Variants in RPTOR observed in about 807,000 individuals in gnomAD.
RPTOR encodes the protein regulatory associated protein of MTOR complex 1, also known as regulatory-associated protein of mTOR.
A neutral mutation model predicts 169.9 loss-of-function variants in RPTOR; 21 were observed. The ratio of observed to expected loss-of-function variants is 0.12; its 90% confidence interval spans 0.09 to 0.18. The LOEUF is 0.18. Among genes scored for constraint, RPTOR ranks in the 10% least tolerant of loss-of-function variants. The pLI is 1.00. For missense variants in RPTOR, 1,133 were observed against 1,855.9 expected, an observed-to-expected ratio of 0.61 and a Z score of 7.16; for synonymous variants, 732 against 753.2, an observed-to-expected ratio of 0.97 and a Z score of 0.46.
chr17:80,778,897 T>C (rs1009546410), intron 6 of RPTOR, among the ~76,000 whole-genome samples: 10 of 152,222 alleles, frequency 6.6e-5, no homozygotes, highest in African/African-American at 2.4e-4. Context: ...GTGCGGTGTC[T>C]GGCCGCGGCG....
chr17:80,697,318 A>G (rs963103280), intron 3 of RPTOR, among the ~76,000 whole-genome samples: 3 of 152,274 alleles, frequency 2.0e-5, no homozygotes, highest in Non-Finnish European at 2.9e-5. Flanking sequence ...TTATTCAGAA[A>G]GAATCAATTG....
At chr17:80,906,848 C>A (rs1328100393) in intron 20 of RPTOR, among the ~76,000 whole-genome samples, 2 of 152,104 alleles carry the variant, frequency 1.3e-5, no homozygotes, top group African/African-American at 4.8e-5. Context: ...CACTGCAACA[C>A]GCATTCCTCA....
At chr17:80,751,904 T>C (rs887800848) in intron 5 of RPTOR, among the ~76,000 whole-genome samples, 16 of 152,190 alleles carry the variant, frequency 1.1e-4, no homozygotes, top group African/African-American at 3.6e-4. Flanking sequence ...CTGTACCTTG[T>C]TGTTCCACAT....
At chr17:80,837,881 C>T (rs372233848) in intron 9 of RPTOR, 41 bp from the exon 10 acceptor site, 43 of 1,576,386 alleles carry the variant, frequency 2.7e-5, no homozygotes, top group African/African-American at 4.0e-5. Flanking sequence ...TGTGGAAGCC[C>T]GTCCATAATG....
chr17:80,812,862 G>T (rs1294502333), intron 7 of RPTOR, among the ~76,000 whole-genome samples: 1 of 152,226 alleles, frequency 6.6e-6, no homozygotes, highest in Admixed American at 6.5e-5. Context: ...ATTTGTGCAC[G>T]TGATTTGGAA....
chr17:80,799,645 T>C lies in RPTOR; in HGVS notation c.890+8136T>C, dbSNP rs2067135975. Among the ~76,000 whole-genome samples, 5 of 152,192 alleles carry C rather than the reference T, an allele frequency of 3.3e-5. No individual in the cohort carries two copies. The South Asian group carries it at 1.0e-3, about 32-fold the overall frequency. On this transcript the variant is annotated intron_variant, in intron 7 of 33. Transcript: ENST00000306801. ...ATAACGGGCCTGTGTTCTCGGGCTT[T>C]TTGTTTCCGTCAAGCTTCATGACCT...
intron 13 of RPTOR, among the ~76,000 whole-genome samples, chr17:80,862,252 G>A (rs759845375): frequency 6.3e-4 from 96 of 152,248 alleles, no homozygotes; most frequent in African/African-American, 2.1e-3. Context: ...GCACCTGCAT[G>A]TTTAAAAGCA....
chr17:80,709,733 G>A (rs35918698), intron 4 of RPTOR, among the ~76,000 whole-genome samples: 26,641 of 151,934 alleles, frequency 0.18, 3,738 homozygotes, highest in African/African-American at 0.39. Context: ...GATAGACTGT[G>A]GTGTGCTCTG....
At chr17:80,929,642 G>A (rs911301133) in intron 24 of RPTOR, among the ~76,000 whole-genome samples, 3 of 152,182 alleles carry the variant, frequency 2.0e-5, no homozygotes, top group African/African-American at 7.2e-5. Flanking sequence ...TAGGGTGGAT[G>A]CGGAAGCTGC....
At position 80,545,245 on chromosome 17, in the gene RPTOR, G is replaced by T; in HGVS notation, c.-385G>T. On this transcript the variant is annotated 5_prime_UTR_variant, in exon 1 of 34. Coordinates refer to ENST00000306801, the MANE Select transcript of RPTOR (RefSeq NM_020761.3). ...ACCAAGAGCGGCCTGCCTGTCTTCG[G>T]AACTGCTGAGGCGGTGGAGGCCGAG... 1 of 238,902 alleles carries T rather than the reference G, an allele frequency of 4.2e-6. No individual in the cohort carries two copies. The highest frequency in any genetic ancestry group is 8.2e-6 in the Non-Finnish European group (1 of 121,722). 14.8% of individuals were successfully genotyped at this position (238,902 alleles called of 1,614,324 possible).
chr17:80,950,286 C>T lies in RPTOR; in HGVS notation c.3370+739C>T, dbSNP rs1272689911. On this transcript the variant is annotated intron_variant, in intron 28 of 33. Coordinates refer to ENST00000306801, the MANE Select transcript of RPTOR (RefSeq NM_020761.3). ...CCAGCCCCCCTCTGCCGGCTCCTGC[C>T]GGTTTGTGATTTCTGTGTCTTCGTC... Among the ~76,000 whole-genome samples, 3 of 152,188 alleles carry T rather than the reference C, an allele frequency of 2.0e-5. No individual in the cohort carries two copies. In the East Asian group the frequency reaches 5.8e-4, roughly 29 times the overall value.
rs111769592 is a variant in RPTOR, at chr17:80,708,809, C to T, written c.507+810C>T. 12 of 359,442 alleles carry T rather than the reference C, an allele frequency of 3.3e-5. No homozygotes were observed. Among genetic ancestry groups the T allele is most frequent in the African/African-American group, 6.6e-5 (3 of 45,232 alleles). 22.3% of individuals were successfully genotyped at this position (359,442 alleles called of 1,614,324 possible). On this transcript the variant is annotated intron_variant, in intron 4 of 33. Transcript: ENST00000306801. This position sits in a 1 kb window ranked among gnomAD's most constrained non-coding sequence, Gnocchi z 4.2. Reference sequence around the variant, plus strand: ...CAGTTCTTGGAGGGTGCGGTGGCCCCATATGTGCCTGAGCGTGTCTATGAG... The same window carrying T: ...CAGTTCTTGGAGGGTGCGGTGGCCCTATATGTGCCTGAGCGTGTCTATGAG...
In RPTOR at chr17:80,572,414, T is replaced by TAAA. The variant is rs35606823; in HGVS notation, c.162+26628_162+26630dup. 2.5e-3 allele frequency among the ~76,000 whole-genome samples: 379 copies of TAAA among 151,778 alleles called. 4 individuals carry two copies. The highest frequency in any genetic ancestry group is 8.2e-3 in the African/African-American group (337 of 41,346). ...TAATTATATATTTTCTTCTTTTTTTTAAAAAAATGCCTGTTCAAGTCTTTT... is the reference window on the plus strand; with the variant it reads ...TAATTATATATTTTCTTCTTTTTTTTAAAAAAAAAATGCCTGTTCAAGTCTTTT... On this transcript the variant is annotated intron_variant, in intron 1 of 33. Transcript: ENST00000306801.
chr17:80,872,466 C>T (rs557098026), intron 13 of RPTOR, among the ~76,000 whole-genome samples: 5 of 152,248 alleles, frequency 3.3e-5, no homozygotes, highest in African/African-American at 1.2e-4. Context: ...CCCAGCTGTC[C>T]CAGCACTGGG....
At position 80,633,187 on chromosome 17, in the gene RPTOR, A is replaced by G. The variant is rs779153049; in HGVS notation, c.265+7394A>G. ...GATTCTCTGAGAGAAGGCGGCTGAC[A>G]TGGTGCTTCAGCACCTCTGAATTCC... is the stretch of plus-strand genomic sequence containing the variant. On this transcript the variant is annotated intron_variant, in intron 2 of 33. Coordinates refer to ENST00000306801, the MANE Select transcript of RPTOR (RefSeq NM_020761.3). This position sits in a 1 kb window ranked among gnomAD's most constrained non-coding sequence, Gnocchi z 4.1. 5.9e-5 allele frequency among the ~76,000 whole-genome samples: 9 copies of G among 152,232 alleles called. No homozygotes were observed. Among genetic ancestry groups the G allele is most frequent in the Non-Finnish European group, 1.0e-4 (7 of 68,036 alleles).
intron 1 of RPTOR, among the ~76,000 whole-genome samples, chr17:80,547,491 T>C (rs777334880): frequency 6.6e-6 from 1 of 152,236 alleles, no homozygotes; most frequent in African/African-American, 2.4e-5. Context: ...TTTTCACAGG[T>C]TGTTAAGAGA....
At position 80,822,191 on chromosome 17, in the gene RPTOR, T is replaced by C; in HGVS notation, c.891-10T>C. Reference sequence around the variant, plus strand: ...TGGCATCACTCATGAGAACGCCCCTTGTTTTCTAGGATCCCTGGCCGCCTG... The same window carrying C: ...TGGCATCACTCATGAGAACGCCCCTCGTTTTCTAGGATCCCTGGCCGCCTG... On this transcript the variant is annotated splice_polypyrimidine_tract_variant and intron_variant, in intron 7 of 33. Coordinates refer to ENST00000306801, the MANE Select transcript of RPTOR (RefSeq NM_020761.3). The C allele has an allele frequency of 6.2e-7, 1 of 1,613,636 alleles. No individual in the cohort carries two copies. Among genetic ancestry groups the C allele is most frequent in the Non-Finnish European group, 8.5e-7 (1 of 1,179,634 alleles).
At chr17:80,866,153 ATATT>A (rs764161311) in intron 13 of RPTOR, among the ~76,000 whole-genome samples, 167 of 149,286 alleles carry the variant, frequency 1.1e-3, no homozygotes, top group Middle Eastern at 0.011. Flanking sequence ...TTTATATAAA[ATATT>A]TATTACTATA....
At chr17:80,811,889 A>T (rs1284630420) in intron 7 of RPTOR, among the ~76,000 whole-genome samples, 1 of 150,808 alleles carries the variant, frequency 6.6e-6, no homozygotes, top group East Asian at 2.0e-4. Context: ...GCCCTCTCCA[A>T]CAAGGCCTCA....
Sources: gnomAD v4.1 joint callset for allele counts (sites outside exome capture counted in the v4.1 genomes callset) on GRCh38, gnomAD v4.1.1 for gene constraint, Gnocchi (gnomAD v3.1) non-coding constraint, MANE v1.5 for transcripts, NCBI Gene and HGNC (gene_info 2026-07-23, HGNC 2026-07-21) for gene names.